MOBP: variants seen among roughly 807,000 people sequenced by gnomAD.
The protein encoded by MOBP is myelin associated oligodendrocyte basic protein.
Under a neutral mutation model 15.0 loss-of-function variants are expected in MOBP, and 5 were observed. That is an observed-to-expected ratio of 0.33 (90% CI 0.17 to 0.70). The LOEUF is 0.70. Ranked by LOEUF, MOBP falls within the 30% of genes least tolerant of loss-of-function variation. MOBP has a pLI of 0.67. For synonymous variants in MOBP, 88 were observed against 99.0 expected (o/e 0.89, Z 0.66); for missense variants, 188 against 257.8 (o/e 0.73, Z 1.85).
intron 1 of MOBP, among the ~76,000 whole-genome samples, chr3:39,478,005 A>G (rs572821959): frequency 1.3e-5 from 2 of 152,334 alleles, no homozygotes; most frequent in Non-Finnish European, 2.9e-5. Context: ...AAAATGTTAC[A>G]GTAAGCTAAC....
At chr3:39,516,673 T>G (rs1025268886), downstream of MOBP, among the ~76,000 whole-genome samples, 4 of 152,226 alleles carry the variant, frequency 2.6e-5, no homozygotes, top group African/African-American at 9.6e-5. Flanking sequence ...ATATTTTTAT[T>G]CATTTATTTA....
At chr3:39,491,309 A>G (rs1443101281) in intron 2 of MOBP, among the ~76,000 whole-genome samples, 2 of 152,262 alleles carry the variant, frequency 1.3e-5, no homozygotes, top group Non-Finnish European at 2.9e-5. Flanking sequence ...AATTGTGCCA[A>G]TTCTTTTTTA....
chr3:39,504,425 T>C (rs1195206764), downstream of MOBP, among the ~76,000 whole-genome samples: 1 of 152,194 alleles, frequency 6.6e-6, no homozygotes, highest in Non-Finnish European at 1.5e-5. Flanking sequence ...TACCCACAGA[T>C]TTGTCTGGAC....
In MOBP at chr3:39,468,812, G is replaced by A. The variant is rs185679817; in HGVS notation, c.-89+1072G>A. Among the ~76,000 whole-genome samples, 1,078 of 114,044 alleles carry A rather than the reference G, an allele frequency of 9.5e-3. 311 individuals are homozygous for A. The highest frequency in any genetic ancestry group is 0.052 in the African/African-American group (1,015 of 19,494). The allele number at this position is 114,044 out of a possible 152,430, so 74.8% of individuals were successfully genotyped here. ...TGTGTGTGTATATATACATATGTGT[G>A]TGTATACATATTACATATGTGTGTA... On this transcript the variant is annotated intron_variant, in intron 1 of 3. Transcript: ENST00000684792.
downstream of MOBP, among the ~76,000 whole-genome samples, chr3:39,505,471 G>C (rs2043035623): frequency 6.6e-6 from 1 of 152,134 alleles, no homozygotes; most frequent in African/African-American, 2.4e-5. Context: ...TTGCATTATT[G>C]CTTTTATTAG....
chr3:39,500,402 T>TA (rs2042952441), intron 2 of MOBP, among the ~76,000 whole-genome samples: 1 of 152,108 alleles, frequency 6.6e-6, no homozygotes, highest in Non-Finnish European at 1.5e-5. Context: ...AGTTTAGTGT[T>TA]AAAAAAATGA....
intron 1 of MOBP, among the ~76,000 whole-genome samples, chr3:39,476,960 G>A (rs968081229): frequency 2.5e-4 from 38 of 151,826 alleles, no homozygotes; most frequent in African/African-American, 8.5e-4. Context: ...TGGACATTGT[G>A]GATAATAGAT....
rs187927362 is a variant in MOBP at position 39,499,937 on chromosome 3, C to G, written c.-4-2129C>G. 2.2e-4 allele frequency: 97 copies of G among 439,592 alleles called. 1 individual carries two copies. The East Asian group carries it at 6.4e-3, about 29-fold the overall frequency. The allele number at this position is 439,592 out of a possible 1,614,324, so 27.2% of individuals were successfully genotyped here. On this transcript the variant is annotated intron_variant, in intron 2 of 3. Coordinates refer to ENST00000684792, the MANE Select transcript of MOBP (RefSeq NM_001393704.1). The stretch of plus-strand genomic sequence containing the variant: ...TCTGCCCATGAAGTTTCACCTTGTT[C>G]TCTAGCCCAACATATTGCCCTCTCT...
chr3:39,484,828 A>G (rs1245478131), intron 2 of MOBP, among the ~76,000 whole-genome samples: 1 of 152,228 alleles, frequency 6.6e-6, no homozygotes, highest in Non-Finnish European at 1.5e-5. Flanking sequence ...AAGCAGGTAG[A>G]GTTTGTTCAT....
At chr3:39,495,911 A>T (rs1553618400) in intron 2 of MOBP, among the ~76,000 whole-genome samples, 2 of 151,888 alleles carry the variant, frequency 1.3e-5, no homozygotes, top group Non-Finnish European at 2.9e-5. Flanking sequence ...CTCAAAAAAA[A>T]TGAGAGAAGA....
downstream of MOBP, among the ~76,000 whole-genome samples, chr3:39,520,667 CT>C (rs2043256067): frequency 6.6e-6 from 1 of 151,938 alleles, no homozygotes; most frequent in African/African-American, 2.4e-5. Flanking sequence ...TAGCTTTCTT[CT>C]TTCTACCGCT....
exon 5 of MOBP, chr3:39,513,525 A>G (rs2043148906): frequency 1.2e-5 from 14 of 1,202,150 alleles, no homozygotes; most frequent in Non-Finnish European, 1.7e-5. Flanking sequence ...AATATTATGC[A>G]GGGGCAAACA....
chr3:39,495,044 G>C (rs1464062915), intron 2 of MOBP, among the ~76,000 whole-genome samples: 2 of 152,188 alleles, frequency 1.3e-5, no homozygotes, highest in East Asian at 3.9e-4. Flanking sequence ...GTTGAGCTGT[G>C]GTCCAAGATG....
At chr3:39,489,855 T>C (rs1023970210) in intron 2 of MOBP, among the ~76,000 whole-genome samples, 3 of 151,992 alleles carry the variant, frequency 2.0e-5, no homozygotes, top group African/African-American at 7.3e-5. Context: ...ATTAATGACC[T>C]AGCTTCCTGC....
chr3:39,506,481 A>G (rs1306435717), downstream of MOBP, among the ~76,000 whole-genome samples: 2 of 151,866 alleles, frequency 1.3e-5, no homozygotes, highest in Non-Finnish European at 2.9e-5. Context: ...AAAAAAAAGC[A>G]TTATCTAACC....
exon 5 of MOBP, chr3:39,514,034 C>T (rs2043159790): frequency 6.6e-6 from 1 of 152,350 alleles, no homozygotes; most frequent in Non-Finnish European, 1.5e-5. Context: ...GCAAAGAAAT[C>T]CCTAGAGAGT....
chr3:39,484,041 T>G (rs1575292435), intron 2 of MOBP, among the ~76,000 whole-genome samples: 1 of 152,160 alleles, frequency 6.6e-6, no homozygotes, highest in Admixed American at 6.5e-5. Flanking sequence ...CTCAAAGAGC[T>G]CACGCTGAGA....
At chr3:39,469,180 G>GTGTGTGTGTGTATACATATATACA (rs2042424090) in intron 1 of MOBP, among the ~76,000 whole-genome samples, 1 of 41,108 alleles carries the variant, frequency 2.4e-5, no homozygotes, top group Non-Finnish European at 4.2e-5. Context: ...ATATATACAT[G>GTGTGTGTGTGTATACATATATACA]TGTGTGTGTG....
intron 1 of MOBP, among the ~76,000 whole-genome samples, chr3:39,475,092 A>G (rs908731214): frequency 6.6e-6 from 1 of 152,194 alleles, no homozygotes; most frequent in Non-Finnish European, 1.5e-5. Flanking sequence ...ACCTGTGACA[A>G]TTCCTCAGTT....
Sources: allele counts gnomAD v4.1 joint callset (sites outside exome capture counted in the v4.1 genomes callset), GRCh38; gene constraint gnomAD v4.1.1; transcripts MANE v1.5; gene names NCBI Gene and HGNC (gene_info 2026-07-23, HGNC 2026-07-21).